ZYG11B: variants seen among roughly 807,000 people sequenced by gnomAD.
ZYG11B encodes protein zyg-11 homolog B.
A neutral mutation model predicts 82.4 loss-of-function variants in ZYG11B; 36 were observed. That is an observed-to-expected ratio of 0.44 (90% CI 0.33 to 0.58). The LOEUF is 0.58. Ranked by LOEUF, ZYG11B falls within the 20% of genes least tolerant of loss-of-function variation. The pLI, the probability that ZYG11B is intolerant of heterozygous loss-of-function variation, is 0.02. For missense variants in ZYG11B, 552 were observed against 895.6 expected (o/e 0.62, Z 4.90); for synonymous variants, 303 against 312.8 (o/e 0.97, Z 0.33).
Position 52,796,275 on chromosome 1 carries a change from C to T in ZYG11B, c.1335-17C>T. 1.2e-6 allele frequency: 2 copies of T among 1,605,708 alleles called. No individual in the cohort carries two copies. Among genetic ancestry groups the T allele is most frequent in the East Asian group, 2.2e-5 (1 of 44,756 alleles). ...GGCCTCCACGATTAATTCATGAAAC[C>T]CTTTTTGTGTTTTCAGGTTTGAAGC... On this transcript the variant is annotated splice_polypyrimidine_tract_variant and intron_variant, in intron 6 of 13. Transcript: ENST00000294353.
At chr1:52,757,037 C>CT (rs201568248) in intron 2 of ZYG11B, among the ~76,000 whole-genome samples, 5,247 of 133,652 alleles carry the variant, frequency 0.039, 365 homozygotes, top group East Asian at 0.36. Flanking sequence ...TTTGAGAAGT[C>CT]TTTTTTTTTT....
intron 2 of ZYG11B, among the ~76,000 whole-genome samples, chr1:52,768,553 T>C (rs111987851): frequency 0.015 from 2,326 of 152,250 alleles, 27 homozygotes; most frequent in Non-Finnish European, 0.024. Flanking sequence ...AAGACTTTGC[T>C]TATGTTGTAT....
intron 1 of ZYG11B, among the ~76,000 whole-genome samples, chr1:52,750,078 A>G (rs1384515306): frequency 6.6e-6 from 1 of 152,028 alleles, no homozygotes; most frequent in East Asian, 1.9e-4. Context: ...TTGTGTTTAC[A>G]CTTGTTTAAA....
At position 52,783,360 on chromosome 1, in the gene ZYG11B, G is replaced by C. The variant is rs183147132; in HGVS notation, c.1093-1517G>C. ...GAAAAATATATCTTGTTTGTATCCT[G>C]ATATGAATGATCCAGTACAGAATAA... On this transcript the variant is annotated intron_variant, in intron 4 of 13. Transcript: ENST00000294353. Among the ~76,000 whole-genome samples the C allele has an allele frequency of 2.8e-3, 419 of 152,226 alleles. 1 individual carries two copies. The highest frequency in any genetic ancestry group is 9.4e-3 in the African/African-American group (390 of 41,550).
chr1:52,810,889 G>A (rs910293233), intron 10 of ZYG11B, among the ~76,000 whole-genome samples: 5 of 152,108 alleles, frequency 3.3e-5, no homozygotes, highest in Admixed American at 3.3e-4. Context: ...ATAAAAATTA[G>A]CTGGCCATGG....
At chr1:52,799,138 T>A (rs1645052925) in intron 8 of ZYG11B, among the ~76,000 whole-genome samples, 1 of 151,222 alleles carries the variant, frequency 6.6e-6, no homozygotes, top group Admixed American at 6.6e-5. Context: ...AGAAAAAAAA[T>A]AGCTATGTAG....
rs1179419083 is a variant in ZYG11B, at chr1:52,826,000, G to A, written c.*4371G>A. 6.6e-6 allele frequency: 1 copy of A among 152,134 alleles called. No individual in the cohort carries two copies. Among genetic ancestry groups the A allele is most frequent in the East Asian group, 1.9e-4 (1 of 5,194 alleles). The allele number at this position is 152,134 out of a possible 1,614,324, so 9.4% of individuals were successfully genotyped here. ...CAGCTGCACCCAAGGTTAAAAAGAGGTAGCAGGGAAAACAAACTTAAACTC... is the reference window on the plus strand; with the variant it reads ...CAGCTGCACCCAAGGTTAAAAAGAGATAGCAGGGAAAACAAACTTAAACTC... On this transcript the variant is annotated 3_prime_UTR_variant, in exon 14 of 14. Coordinates refer to ENST00000294353, the MANE Select transcript of ZYG11B (RefSeq NM_024646.3).
At chr1:52,764,046 G>T (rs1644659049) in intron 2 of ZYG11B, among the ~76,000 whole-genome samples, 1 of 152,110 alleles carries the variant, frequency 6.6e-6, no homozygotes, top group East Asian at 1.9e-4. Flanking sequence ...CACAATCCTT[G>T]TATTTATGCA....
intron 1 of ZYG11B, among the ~76,000 whole-genome samples, chr1:52,746,877 T>A (rs12403519): frequency 5.0e-5 from 7 of 138,904 alleles, no homozygotes; most frequent in Admixed American, 5.0e-4. Context: ...ATTTTTGGAG[T>A]TTTTTTTTTT....
intron 3 of ZYG11B, among the ~76,000 whole-genome samples, chr1:52,774,943 A>G (rs1644791668): frequency 6.6e-6 from 1 of 152,154 alleles, no homozygotes; most frequent in South Asian, 2.1e-4. Flanking sequence ...AGAACATTGA[A>G]AATCTGCTAA....
intron 6 of ZYG11B, among the ~76,000 whole-genome samples, chr1:52,793,866 T>TC (rs1558136003): frequency 0.011 from 1,600 of 139,148 alleles, 41 homozygotes; most frequent in African/African-American, 0.043. Context: ...TCCTTTTCTT[T>TC]CTTTCCTTCC....
At chr1:52,790,384 A>T (rs114965215) in intron 6 of ZYG11B, among the ~76,000 whole-genome samples, 6 of 152,156 alleles carry the variant, frequency 3.9e-5, no homozygotes, top group Non-Finnish European at 8.8e-5. Flanking sequence ...AGGCATATAT[A>T]GAGATTCATT....
At chr1:52,791,822 T>C (rs1249033632) in intron 6 of ZYG11B, among the ~76,000 whole-genome samples, 1 of 152,228 alleles carries the variant, frequency 6.6e-6, no homozygotes, top group Non-Finnish European at 1.5e-5. Context: ...TTGCTAATTT[T>C]ATTTTGGGAA....
chr1:52,803,019 CA>C (rs917073306), intron 10 of ZYG11B, among the ~76,000 whole-genome samples: 24 of 137,934 alleles, frequency 1.7e-4, no homozygotes, highest in Non-Finnish European at 2.6e-4. Context: ...GACTCCGTCT[CA>C]AAAAAAACCC....
At chr1:52,782,192 C>A (rs139859917) in intron 4 of ZYG11B, among the ~76,000 whole-genome samples, 220 of 151,900 alleles carry the variant, frequency 1.4e-3, no homozygotes, top group African/African-American at 4.9e-3. Context: ...TCCTCAGCCT[C>A]CAGAGTGGCT....
intron 1 of ZYG11B, among the ~76,000 whole-genome samples, chr1:52,745,868 T>TG (rs985973631): frequency 2.6e-4 from 37 of 142,178 alleles, no homozygotes; most frequent in Non-Finnish European, 5.2e-4. Context: ...CCAGCTGTTT[T>TG]TTTTGTTTTG....
intron 3 of ZYG11B, among the ~76,000 whole-genome samples, chr1:52,772,822 C>T (rs978989922): frequency 5.3e-5 from 8 of 152,058 alleles, no homozygotes; most frequent in East Asian, 3.9e-4. Flanking sequence ...GGACTACAGG[C>T]GCCCGCCACC....
rs199820844 is a variant in ZYG11B at position 52,779,866 on chromosome 1, C to T, written c.965C>T (p.Ala322Val). Residue 322 changes from alanine to valine, a missense_variant, in exon 4 of 14, where the codon GCC (alanine) becomes GTC (valine). By Grantham distance (64) the Ala-to-Val change is moderately conservative (BLOSUM62 0). Around this residue, in one of 3 missense-constraint regions of ZYG11B, gnomAD observed 359 missense variants for 555.8 expected, o/e 0.65. Transcript: ENST00000294353. ...TTATGTTCACAGGTGTCTGGGGAAG[C>T]CAATGAAACTCAGATTGCAGAAGCA... ...GEGHLKVSGE[A>V]NETQIAEALK... The T allele has an allele frequency of 4.3e-6, 7 of 1,613,870 alleles. No individual in the cohort carries two copies. Among genetic ancestry groups the T allele is most frequent in the African/African-American group, 1.3e-5 (1 of 75,002 alleles).
At position 52,756,539 on chromosome 1, in the gene ZYG11B, C is replaced by G; in HGVS notation, c.112C>G (p.Gln38Glu). 1 of 1,614,084 alleles carries G rather than the reference C, an allele frequency of 6.2e-7. No homozygotes were observed. Among genetic ancestry groups the G allele is most frequent in the Non-Finnish European group, 8.5e-7 (1 of 1,180,018 alleles). Residue 38 changes from glutamine to glutamate, a missense_variant, in exon 2 of 14, where the codon CAA (glutamine) becomes GAA (glutamate). Physicochemically the swap from Gln to Glu is conservative, Grantham distance 29 (BLOSUM62 2). Coordinates refer to ENST00000294353, the MANE Select transcript of ZYG11B (RefSeq NM_024646.3). Reference sequence around the variant, plus strand: ...CCTTGAGAAGTTCTGTTCAGCCAGACAAGATGGAACATTGTGTCTGCAGGA... The same window carrying G: ...CCTTGAGAAGTTCTGTTCAGCCAGAGAAGATGGAACATTGTGTCTGCAGGA... ...THLEKFCSAR[Q>E]DGTLCLQEPG...
Sources: allele counts gnomAD v4.1 joint callset (sites outside exome capture counted in the v4.1 genomes callset), GRCh38; gene constraint gnomAD v4.1.1; regional missense constraint gnomAD v4.1.1; transcripts MANE v1.5; gene names NCBI Gene and HGNC (gene_info 2026-07-23, HGNC 2026-07-21).